ARHGAP23: variants seen among roughly 807,000 people sequenced by gnomAD.
The protein encoded by ARHGAP23 is Rho GTPase activating protein 23.
A neutral mutation model predicts 136.3 loss-of-function variants in ARHGAP23; 34 were observed. The ratio of observed to expected loss-of-function variants is 0.25; its 90% CI spans 0.19 to 0.33. The LOEUF (loss-of-function observed/expected upper bound fraction) is 0.33, where lower values mean the gene tolerates loss of function less well. Ranked by LOEUF, ARHGAP23 falls within the 10% of genes least tolerant of loss-of-function variation. The pLI, the probability that ARHGAP23 is intolerant of heterozygous loss-of-function variation, is 1.00. For missense variants in ARHGAP23, 1,808 were observed against 2,139.0 expected, an observed-to-expected ratio of 0.85 and a Z score of 3.05; for synonymous variants, 832 against 920.5, an observed-to-expected ratio of 0.90 and a Z score of 1.74.
At chr17:38,429,087 G>T (rs1214040435) in intron 1 of ARHGAP23, among the ~76,000 whole-genome samples, 1 of 152,242 alleles carries the variant, frequency 6.6e-6, no homozygotes, top group African/African-American at 2.4e-5. Context: ...GTTGCCAGGC[G>T]CGGTTCCGCC....
chr17:38,435,739 C>T (rs979321340), intron 1 of ARHGAP23, among the ~76,000 whole-genome samples: 3 of 152,204 alleles, frequency 2.0e-5, no homozygotes, highest in South Asian at 2.1e-4. Context: ...GTTGGGATTA[C>T]AGGCGCCCTC....
At chr17:38,428,656 C>A in intron 1 of ARHGAP23, 108 bp downstream of exon 1, 1 of 731,130 alleles carries the variant, frequency 1.4e-6, no homozygotes, top group African/African-American at 1.9e-5. Context: ...CTGGGGCGCA[C>A]GGTGGGCGCG....
At chr17:38,484,230 A>G (rs62074688) in intron 16 of ARHGAP23, among the ~76,000 whole-genome samples, 42,849 of 151,704 alleles carry the variant, frequency 0.28, 7,697 homozygotes, top group Admixed American at 0.49. Context: ...AGTTGTCTGC[A>G]TGAGAGGGAG....
At position 38,481,993 on chromosome 17, in the gene ARHGAP23, T is replaced by A. The variant is rs779058700; in HGVS notation, c.2630-29T>A. ...GTGTGACCCTCCTGGATACCCCAGC[T>A]CACTCTGGCTCTGTCTCCCCCACTT... On this transcript the variant is annotated intron_variant, in intron 14 of 23. Coordinates refer to ENST00000622683, the MANE Select transcript of ARHGAP23 (RefSeq NM_001199417.2). 2.7e-6 allele frequency: 4 copies of A among 1,498,990 alleles called. No homozygotes were observed. In the African/African-American group the frequency reaches 4.3e-5, roughly 16 times the overall value. 92.9% of individuals were successfully genotyped at this position (1,498,990 alleles called of 1,614,324 possible).
chr17:38,479,061 A>C lies in ARHGAP23; in HGVS notation c.2437-375A>C, dbSNP rs1195742581. On this transcript the variant is annotated intron_variant, in intron 12 of 23. Coordinates refer to ENST00000622683, the MANE Select transcript of ARHGAP23 (RefSeq NM_001199417.2). ...GGGGCCTCTCTTGGCTGTCCCCAACAAGGCTTAGTCAGGGGATCCCAAGTC... is the reference window on the plus strand; with the variant it reads ...GGGGCCTCTCTTGGCTGTCCCCAACCAGGCTTAGTCAGGGGATCCCAAGTC... 1.3e-5 allele frequency among the ~76,000 whole-genome samples: 2 copies of C among 152,130 alleles called. 1 individual carries two copies. The highest frequency in any genetic ancestry group is 1.3e-4 in the Admixed American group (2 of 15,284).
Position 38,469,798 on chromosome 17 carries a change from G to T in ARHGAP23, c.1917-49G>T, listed in dbSNP as rs770899004. The stretch of plus-strand genomic sequence containing the variant: ...GTTTGGTGGGTGACGAGATAGTGAG[G>T]TCCCAGCTTTGCTGCCCACATCCCT... On this transcript the variant is annotated intron_variant, in intron 9 of 23. Transcript: ENST00000622683. The T allele has an allele frequency of 5.2e-6, 8 of 1,547,760 alleles. No individual in the cohort carries two copies. In the African/African-American group the frequency reaches 1.1e-4, roughly 21 times the overall value.
chr17:38,457,917 C>A, intron 1 of ARHGAP23, 185 bp from the exon 2 acceptor site: 1 of 642,442 alleles, frequency 1.6e-6, no homozygotes, highest in Non-Finnish European at 2.6e-6. Context: ...AGCTATTGGG[C>A]TGATGAAGGT....
chr17:38,439,767 T>C (rs1279889021), intron 1 of ARHGAP23, among the ~76,000 whole-genome samples: 2 of 149,652 alleles, frequency 1.3e-5, no homozygotes, highest in African/African-American at 4.9e-5. Context: ...CTCTGAATCC[T>C]GCTTAGGAAC....
In ARHGAP23 at chr17:38,464,094, T is replaced by C. The variant is rs112786508; in HGVS notation, c.483+712T>C. 5.2e-3 allele frequency among the ~76,000 whole-genome samples: 786 copies of C among 152,234 alleles called. 7 individuals carry two copies. The highest frequency in any genetic ancestry group is 0.02 in the Middle Eastern group (6 of 294). On this transcript the variant is annotated intron_variant, in intron 6 of 23. Coordinates refer to ENST00000622683, the MANE Select transcript of ARHGAP23 (RefSeq NM_001199417.2). The stretch of plus-strand genomic sequence containing the variant: ...CCACAACTACACACCCACGCCGCAC[T>C]ATCACAACATGTATGCTCGCAAACA...
At chr17:38,443,707 T>C (rs1189977461) in intron 1 of ARHGAP23, among the ~76,000 whole-genome samples, 5 of 118,130 alleles carry the variant, frequency 4.2e-5, no homozygotes, top group African/African-American at 1.6e-4. Flanking sequence ...GTGGGTGGTT[T>C]CAGGGGTGGG....
intron 17 of ARHGAP23, among the ~76,000 whole-genome samples, chr17:38,487,858 C>T (rs983164518): frequency 6.6e-6 from 1 of 151,500 alleles, no homozygotes; most frequent in African/African-American, 2.4e-5. Flanking sequence ...AGCAAGACTC[C>T]ATCTCAAAAT....
At chr17:38,436,922 T>C (rs2038810756) in intron 1 of ARHGAP23, among the ~76,000 whole-genome samples, 3 of 152,338 alleles carry the variant, frequency 2.0e-5, no homozygotes, top group South Asian at 4.1e-4. Flanking sequence ...GCCACAGGGA[T>C]TGGTTAAAAA....
At chr17:38,442,247 C>T (rs1320521730) in intron 1 of ARHGAP23, among the ~76,000 whole-genome samples, 1 of 152,204 alleles carries the variant, frequency 6.6e-6, no homozygotes, top group Non-Finnish European at 1.5e-5. Flanking sequence ...GCATGAGCCA[C>T]CATGCCCGGC....
chr17:38,467,171 G>T lies in ARHGAP23; in HGVS notation c.1488G>T (p.Pro496=). The part of the protein sequence containing the change: ...GDEVVLRQKP[P]TGRKVQLTPA... Reference sequence around the variant, plus strand: ...AGGTGGTCCTGAGGCAGAAGCCCCCGACGGGCCGCAAGGTTCAGCTGACCC... The same window carrying T: ...AGGTGGTCCTGAGGCAGAAGCCCCCTACGGGCCGCAAGGTTCAGCTGACCC... The change falls in exon 7 of 24, where the codon CCG becomes CCT. Residue 496 remains proline, a synonymous_variant. Transcript: ENST00000622683. 6.5e-7 allele frequency: 1 copy of T among 1,549,922 alleles called. No homozygotes were observed. Among genetic ancestry groups the T allele is most frequent in the South Asian group, 1.2e-5 (1 of 84,002 alleles).
chr17:38,448,641 G>GTTTT (rs11327949), intron 1 of ARHGAP23, among the ~76,000 whole-genome samples: 9 of 106,152 alleles, frequency 8.5e-5, no homozygotes, highest in African/African-American at 1.6e-4. Flanking sequence ...AACTTGGGGA[G>GTTTT]TTTTTTTTTT....
intron 10 of ARHGAP23, 22 bp downstream of exon 10, chr17:38,469,926 G>A (rs1567803582): frequency 1.9e-6 from 3 of 1,551,440 alleles, no homozygotes; most frequent in Non-Finnish European, 1.7e-6. Context: ...AAGTGTGTGT[G>A]CGTGCGCAGG....
intron 11 of ARHGAP23, among the ~76,000 whole-genome samples, chr17:38,473,013 T>C (rs867649596): frequency 2.0e-5 from 3 of 152,064 alleles, no homozygotes; most frequent in Admixed American, 6.6e-5. Context: ...CTCGGCTCAC[T>C]ACAACCTCCA....
chr17:38,466,500 C>T lies in ARHGAP23; in HGVS notation c.817C>T (p.Pro273Ser). The change falls in exon 7 of 24, where the codon CCT (proline) becomes TCT (serine). Residue 273 changes from proline (P) to serine (S), a missense_variant. By Grantham distance (74) the Pro-to-Ser change is moderately conservative. Transcript: ENST00000622683. The stretch of plus-strand genomic sequence containing the variant: ...CCGGACGCCCCGTGCCTTCCCAGAG[C>T]CTGGCAGCCGGGTGCCCCCCAGCAG... Reference protein sequence around the residue: ...EPRTPRAFPEPGSRVPPSRLE... With the variant: ...EPRTPRAFPESGSRVPPSRLE... The T allele has an allele frequency of 6.7e-7, 1 of 1,495,588 alleles. No individual in the cohort carries two copies. Among genetic ancestry groups the T allele is most frequent in the Non-Finnish European group, 8.9e-7 (1 of 1,125,036 alleles). The allele number at this position is 1,495,588 out of a possible 1,614,324, so 92.6% of individuals were successfully genotyped here. A position where few individuals can be genotyped will look rare whatever the true frequency, so the allele number is the denominator to read the frequency against.
At chr17:38,479,959 G>T in intron 14 of ARHGAP23, 76 bp downstream of exon 14, 1 of 1,521,984 alleles carries the variant, frequency 6.6e-7, no homozygotes, top group Non-Finnish European at 8.9e-7. Flanking sequence ...GCGTGTGTGT[G>T]TTGGGCTGTG....
Sources: gnomAD v4.1 joint callset for allele counts (sites outside exome capture counted in the v4.1 genomes callset) on GRCh38, gnomAD v4.1.1 for gene constraint, MANE v1.5 for transcripts, NCBI Gene and HGNC (gene_info 2026-07-23, HGNC 2026-07-21) for gene names.